FMN1: variants seen among roughly 807,000 people sequenced by gnomAD.
FMN1 encodes the protein formin 1.
FMN1 carries 110 observed loss-of-function variants against 132.4 expected under a neutral mutation model. That is an observed-to-expected ratio of 0.83 (90% confidence interval 0.71 to 0.97). The LOEUF (loss-of-function observed/expected upper bound fraction) is 0.97. FMN1 is among the 50% of genes least tolerant of loss of function. FMN1 has a pLI of 0.00. For synonymous variants in FMN1, 722 were observed against 651.7 expected, an observed-to-expected ratio of 1.11 and a Z score of -1.64; for missense variants, 1,792 against 1,705.3, an observed-to-expected ratio of 1.05 and a Z score of -0.90.
At chr15:32,824,937 A>G (rs2058326526) in intron 17 of FMN1, among the ~76,000 whole-genome samples, 1 of 152,224 alleles carries the variant, frequency 6.6e-6, no homozygotes, top group African/African-American at 2.4e-5. Context: ...ATTGTCTACC[A>G]TAACACAAAT....
At chr15:33,031,521 C>G (rs1051239082) in intron 6 of FMN1, among the ~76,000 whole-genome samples, 1 of 152,216 alleles carries the variant, frequency 6.6e-6, no homozygotes, top group Non-Finnish European at 1.5e-5. Context: ...TTGGCCATTA[C>G]TATCCCCATT....
chr15:33,075,984 A>G (rs1209488823), intron 5 of FMN1, among the ~76,000 whole-genome samples: 2 of 152,232 alleles, frequency 1.3e-5, no homozygotes, highest in Non-Finnish European at 2.9e-5. Flanking sequence ...CTACTCTCAA[A>G]TATTTCTAAG....
chr15:32,863,812 C>G (rs1348993749), intron 16 of FMN1, among the ~76,000 whole-genome samples: 1 of 152,130 alleles, frequency 6.6e-6, no homozygotes, highest in Admixed American at 6.5e-5. Context: ...CCCAAACACA[C>G]TTTTATCAAA....
intron 5 of FMN1, among the ~76,000 whole-genome samples, chr15:33,071,670 C>T (rs925273337): frequency 7.2e-5 from 11 of 152,170 alleles, no homozygotes; most frequent in Admixed American, 2.0e-4. Flanking sequence ...AATATGAACA[C>T]GAGTAACAGG....
Position 33,153,096 on chromosome 15 carries a change from A to G in FMN1, c.1819T>C (p.Leu607=). 2.6e-6 allele frequency: 4 copies of G among 1,535,868 alleles called. No homozygotes were observed. The highest frequency in any genetic ancestry group is 1.7e-6 in the Non-Finnish European group (2 of 1,146,816). Residue 607 remains leucine (L), a synonymous_variant, in exon 4 of 21, where the codon TTG becomes CTG. Transcript: ENST00000616417. Reference sequence around the variant, plus strand: ...TCAGCTGTGGTCTTCCCTGGCCCCAAGCTCTTTTCCAAAGTTTCCCCAGGC... The same window carrying G: ...TCAGCTGTGGTCTTCCCTGGCCCCAGGCTCTTTTCCAAAGTTTCCCCAGGC... The part of the protein sequence containing the change: ...LVPGETLEKS[L]GPGKTTAEPQ...
chr15:33,021,861 A>C lies in FMN1; in HGVS notation c.2162-13786T>G, dbSNP rs115482870. 4.2e-3 allele frequency among the ~76,000 whole-genome samples: 646 copies of C among 152,332 alleles called. 6 individuals carry two copies. The highest frequency in any genetic ancestry group is 0.015 in the African/African-American group (613 of 41,564). ...AAAACTTACAATCTCCTTTCTACCT[A>C]TGTGGTTTTTAAAAATCATAGTCAA... On this transcript the variant is annotated intron_variant, in intron 6 of 20. Transcript: ENST00000616417.
chr15:33,050,647 T>C (rs932710329), intron 6 of FMN1, among the ~76,000 whole-genome samples: 3 of 152,246 alleles, frequency 2.0e-5, no homozygotes, highest in African/African-American at 7.2e-5. Context: ...TTCTTTGGTT[T>C]AATATTCTGA....
At chr15:33,108,286 G>A (rs181033033) in intron 4 of FMN1, among the ~76,000 whole-genome samples, 1 of 152,150 alleles carries the variant, frequency 6.6e-6, no homozygotes, top group Non-Finnish European at 1.5e-5. Context: ...CACTGCTTTG[G>A]TAAAAGTTTT....
chr15:33,018,935 G>GT (rs1400165498), intron 6 of FMN1, among the ~76,000 whole-genome samples: 18 of 152,182 alleles, frequency 1.2e-4, no homozygotes, highest in Admixed American at 9.8e-4. Flanking sequence ...GACCTTCCTG[G>GT]TGAGTGTTAC....
intron 7 of FMN1, among the ~76,000 whole-genome samples, chr15:32,978,979 T>C (rs569146519): frequency 2.0e-5 from 3 of 152,352 alleles, no homozygotes; most frequent in Non-Finnish European, 1.5e-5. Flanking sequence ...TGTTGAGTTC[T>C]TTCTGGTGTA....
chr15:33,153,911 T>A lies in FMN1; in HGVS notation c.1004A>T (p.Asp335Val), dbSNP rs1269665992. The A allele has an allele frequency of 3.3e-6, 5 of 1,536,670 alleles. No individual in the cohort carries two copies. In the South Asian group the frequency reaches 4.8e-5, roughly 15 times the overall value. Residue 335 changes from aspartate to valine, a missense_variant, in exon 4 of 21, where the codon GAC (aspartate) becomes GTC (valine). Asp to Val is a radical substitution (Grantham distance 152). Around this residue, in one of 3 missense-constraint regions of FMN1, gnomAD observed 638 missense variants for 645.2 expected, o/e 0.99. Transcript: ENST00000616417. ...TACTCTTTGTACCTGGGAGGACAGG[T>A]CCTGAACTTTGGCCACCACTTTGGA... Reference protein sequence around the residue: ...PVSKVVAKVQDLSSQVQRVVK... With the variant: ...PVSKVVAKVQVLSSQVQRVVK...
chr15:33,077,206 G>GTT (rs2038246803), intron 5 of FMN1, among the ~76,000 whole-genome samples: 1 of 151,862 alleles, frequency 6.6e-6, no homozygotes, highest in South Asian at 2.1e-4. Flanking sequence ...TTTTTGTTTT[G>GTT]TTTTGTTTTC....
At chr15:32,917,199 C>T (rs1311185347) in intron 10 of FMN1, among the ~76,000 whole-genome samples, 4 of 152,178 alleles carry the variant, frequency 2.6e-5, no homozygotes, top group African/African-American at 9.7e-5. Flanking sequence ...CACTCGGAGG[C>T]AAGGCCAGGG....
At chr15:32,791,627 T>C (rs776229346) in intron 19 of FMN1, among the ~76,000 whole-genome samples, 29 of 152,148 alleles carry the variant, frequency 1.9e-4, no homozygotes, top group African/African-American at 6.3e-4. Context: ...TGAGAGATGA[T>C]AGAGTCCTGA....
At chr15:33,016,850 G>A (rs1310082235) in intron 6 of FMN1, among the ~76,000 whole-genome samples, 18 of 152,138 alleles carry the variant, frequency 1.2e-4, no homozygotes. Flanking sequence ...ACCACTGCCC[G>A]CAGAAGCCAT....
chr15:33,069,674 TCACA>T (rs761345411), intron 5 of FMN1, among the ~76,000 whole-genome samples: 3 of 151,942 alleles, frequency 2.0e-5, no homozygotes, highest in African/African-American at 7.2e-5. Context: ...AAAGGAACGC[TCACA>T]CAAATAAAAA....
chr15:32,950,148 A>G lies in FMN1; in HGVS notation c.3138+13959T>C, dbSNP rs1269549371. Among the ~76,000 whole-genome samples the G allele has an allele frequency of 8.2e-5, 12 of 146,120 alleles. No homozygotes were observed. In the Admixed American group the frequency reaches 8.4e-4, roughly 10 times the overall value. On this transcript the variant is annotated intron_variant, in intron 9 of 20. Coordinates refer to ENST00000616417, the MANE Select transcript of FMN1 (RefSeq NM_001277313.2). ...CAAAACCACAATGAGATACCATCTT[A>G]CACCAGTCAGAATGGCTATTATTAA... is the stretch of plus-strand genomic sequence containing the variant.
At chr15:32,866,412 T>C (rs990194794) in intron 16 of FMN1, among the ~76,000 whole-genome samples, 15 of 152,192 alleles carry the variant, frequency 9.9e-5, no homozygotes, top group Admixed American at 2.6e-4. Flanking sequence ...GCATTTTGTA[T>C]GCTGAATAGT....
intron 9 of FMN1, among the ~76,000 whole-genome samples, chr15:32,948,959 G>A (rs1266802343): frequency 6.6e-6 from 1 of 151,470 alleles, no homozygotes; most frequent in East Asian, 1.9e-4. Flanking sequence ...TAATTTCTTT[G>A]ATTTTTTTGT....
Sources: gnomAD v4.1 joint callset for allele counts (sites outside exome capture counted in the v4.1 genomes callset) on GRCh38, gnomAD v4.1.1 for gene constraint, gnomAD v4.1.1 regional missense constraint, MANE v1.5 for transcripts, NCBI Gene and HGNC (gene_info 2026-07-23, HGNC 2026-07-21) for gene names.